The following OLFML2B variants were observed in gnomAD, a reference collection of about 807,000 sequenced individuals.
The protein encoded by OLFML2B is olfactomedin like 2B.
A neutral mutation model predicts 74.9 loss-of-function variants in OLFML2B; 57 were observed. The observed-to-expected ratio is 0.76, with a 90% confidence interval of 0.61 to 0.95. OLFML2B has a LOEUF of 0.95. Among genes scored for constraint, OLFML2B ranks in the 40% least tolerant of loss-of-function variants. The pLI is 0.00. For missense variants in OLFML2B, 986 were observed against 970.6 expected, an observed-to-expected ratio of 1.02 and a Z score of -0.21; for synonymous variants, 388 against 405.8, an observed-to-expected ratio of 0.96 and a Z score of 0.53.
intron 4 of OLFML2B, among the ~76,000 whole-genome samples, chr1:162,000,838 GA>G (rs1690063726): frequency 6.6e-6 from 1 of 152,150 alleles, no homozygotes; most frequent in African/African-American, 2.4e-5. Flanking sequence ...GCCTCAGGAT[GA>G]AGCTTGTTAC....
At chr1:161,999,993 A>T in intron 5 of OLFML2B, 120 bp downstream of exon 5, 1 of 751,422 alleles carries the variant, frequency 1.3e-6, no homozygotes, top group South Asian at 1.8e-5. Context: ...GGGCCACAGC[A>T]GTAATTGGAA....
rs1291446762 is a variant in OLFML2B, at chr1:162,023,263, T to C, written c.168A>G (p.Leu56=). The change falls in exon 1 of 8, where the codon TTA becomes TTG. Residue 56 remains leucine, a synonymous_variant. Coordinates refer to ENST00000294794, the MANE Select transcript of OLFML2B (RefSeq NM_015441.3). ...GTGGCACTCTGCATCCTACCTGAGA[T>C]AAAACGTTCTCCTGGTTGTCCGCCT... ...QNEADNQENV[L]SQLLGDYDKV... is the part of the protein sequence containing the mutation. 1 of 1,539,182 alleles carries C rather than the reference T, an allele frequency of 6.5e-7. No homozygotes were observed. Among genetic ancestry groups the C allele is most frequent in the Non-Finnish European group, 8.8e-7 (1 of 1,135,892 alleles).
chr1:162,000,087 G>T, intron 5 of OLFML2B, 26 bp downstream of exon 5: 1 of 1,541,794 alleles, frequency 6.5e-7, no homozygotes, highest in Non-Finnish European at 8.8e-7. Flanking sequence ...CCTGCCTCTG[G>T]GGCGGCCCTG....
chr1:161,985,704 C>T (rs1689575090), intron 6 of OLFML2B, among the ~76,000 whole-genome samples: 1 of 152,158 alleles, frequency 6.6e-6, no homozygotes. Context: ...AGAGAGCTGT[C>T]CCCAAGCCTA....
chr1:162,003,030 C>T (rs1690123762), intron 4 of OLFML2B, among the ~76,000 whole-genome samples: 1 of 152,212 alleles, frequency 6.6e-6, no homozygotes. Flanking sequence ...GGTTGAAAGT[C>T]AATCAGTTAA....
chr1:162,012,920 C>T (rs1310648765), intron 3 of OLFML2B, among the ~76,000 whole-genome samples: 3 of 152,138 alleles, frequency 2.0e-5, no homozygotes, highest in Admixed American at 1.3e-4. Flanking sequence ...TCTTTTTCTC[C>T]ACTTTAGTAA....
At chr1:162,023,233 C>A in intron 1 of OLFML2B, 24 bp downstream of exon 1, 1 of 1,472,676 alleles carries the variant, frequency 6.8e-7, no homozygotes, top group Non-Finnish European at 9.1e-7. Flanking sequence ...GCAAGAAGGG[C>A]GGTCGTGGCA....
At chr1:161,994,492 C>T (rs989079174) in intron 6 of OLFML2B, among the ~76,000 whole-genome samples, 3 of 152,226 alleles carry the variant, frequency 2.0e-5, no homozygotes, top group East Asian at 1.9e-4. Flanking sequence ...CTGCCACCTG[C>T]CCTCCCCCAC....
intron 3 of OLFML2B, among the ~76,000 whole-genome samples, chr1:162,010,461 A>G (rs1046864773): frequency 1.3e-5 from 2 of 152,040 alleles, no homozygotes; most frequent in African/African-American, 4.8e-5. Flanking sequence ...ATGCAGGTGG[A>G]GTTAGGGGTA....
At position 161,984,043 on chromosome 1, in the gene OLFML2B, G is replaced by C; in HGVS notation, c.1885C>G (p.Leu629Val). 1 of 1,614,208 alleles carries C rather than the reference G, an allele frequency of 6.2e-7. No homozygotes were observed. Among genetic ancestry groups the C allele is most frequent in the Non-Finnish European group, 8.5e-7 (1 of 1,180,028 alleles). ...DVDFAVDENG[L>V]WLIYPALDDE... is the part of the protein sequence containing the mutation. ...TCCAGGGCCGGGTAGATGAGCCATA[G>C]GCCATTCTCGTCCACAGCAAAGTCC... is the stretch of plus-strand genomic sequence containing the variant. The change falls in exon 8 of 8, where the codon CTA becomes GTA. Residue 629 changes from leucine (L) to valine (V), a missense_variant. By Grantham distance (32) the Leu-to-Val change is conservative. Transcript: ENST00000294794.
chr1:162,017,673 A>G (rs1242152193), intron 2 of OLFML2B, among the ~76,000 whole-genome samples, 166 bp from the exon 3 acceptor site: 1 of 152,228 alleles, frequency 6.6e-6, no homozygotes, highest in Non-Finnish European at 1.5e-5. Context: ...AGGCAAGCAC[A>G]ATGGTGTATG....
At position 162,021,991 on chromosome 1, in the gene OLFML2B, G is replaced by T. The variant is rs548455174; in HGVS notation, c.174+1266C>A. ...GCTAGTGTTTGATAAATCCCAAAGTGCAGCTGATTATTCTCTCTACAGGAA... is the reference window on the plus strand; with the variant it reads ...GCTAGTGTTTGATAAATCCCAAAGTTCAGCTGATTATTCTCTCTACAGGAA... On this transcript the variant is annotated intron_variant, in intron 1 of 7. Transcript: ENST00000294794. Among the ~76,000 whole-genome samples the T allele has an allele frequency of 1.6e-4, 25 of 152,206 alleles. 1 individual carries two copies. In the South Asian group the frequency reaches 5.2e-3, roughly 32 times the overall value.
In OLFML2B at chr1:162,006,492, A is replaced by AT. The variant is rs770096581; in HGVS notation, c.547-20_547-19insA. On this transcript the variant is annotated intron_variant, in intron 3 of 7. Transcript: ENST00000294794. ...ACACTTCCTGAGAAGGAAAAAAAAAAGATGATCCATTAAAGCACCCTGAAG... is the reference window on the plus strand; with the variant it reads ...ACACTTCCTGAGAAGGAAAAAAAAAATGATGATCCATTAAAGCACCCTGAAG... 22 of 1,554,706 alleles carry AT rather than the reference A, an allele frequency of 1.4e-5. No homozygotes were observed. Among genetic ancestry groups the AT allele is most frequent in the African/African-American group, 1.4e-5 (1 of 72,192 alleles).
intron 3 of OLFML2B, among the ~76,000 whole-genome samples, chr1:162,012,573 G>A (rs568068553): frequency 2.6e-5 from 4 of 152,302 alleles, no homozygotes; most frequent in South Asian, 2.1e-4. Context: ...AGGTTCCCTC[G>A]TGCCATCTAT....
At chr1:162,002,426 G>A (rs1690105865) in intron 4 of OLFML2B, among the ~76,000 whole-genome samples, 1 of 152,210 alleles carries the variant, frequency 6.6e-6, no homozygotes, top group Admixed American at 6.5e-5. Context: ...GTTCCTAGAT[G>A]CCCAGTGCCC....
At chr1:162,003,734 C>T (rs1206035034) in intron 4 of OLFML2B, among the ~76,000 whole-genome samples, 1 of 152,160 alleles carries the variant, frequency 6.6e-6, no homozygotes, top group East Asian at 1.9e-4. Flanking sequence ...TAGAGAGAAG[C>T]CCTCAACAAA....
rs1689970586 is a variant in OLFML2B, at chr1:161,998,111, T to G, written c.1188A>C (p.Gln396His). 1 of 1,613,890 alleles carries G rather than the reference T, an allele frequency of 6.2e-7. No homozygotes were observed. The highest frequency in any genetic ancestry group is 8.5e-7 in the Non-Finnish European group (1 of 1,180,026). The change falls in exon 6 of 8, where the codon CAA becomes CAC. Residue 396 changes from glutamine to histidine, a missense_variant. By Grantham distance (24) the Gln-to-His change is conservative. Transcript: ENST00000294794. The stretch of plus-strand genomic sequence containing the variant: ...TGGGATCTGGAGACACCGAGGTTGT[T>G]TGGAGTGTTGGTCCCACTGAGGCAT... Reference protein sequence around the residue: ...ANHASVGPTLQTTSVSPDPTR... With the variant: ...ANHASVGPTLHTTSVSPDPTR...
intron 7 of OLFML2B, among the ~76,000 whole-genome samples, chr1:161,984,521 A>G (rs1457548381): frequency 6.6e-6 from 1 of 152,146 alleles, no homozygotes; most frequent in Admixed American, 6.5e-5. Flanking sequence ...ATATACATGA[A>G]TGTGGTTCAT....
At chr1:161,996,439 C>T (rs898776415) in intron 6 of OLFML2B, among the ~76,000 whole-genome samples, 6 of 152,222 alleles carry the variant, frequency 3.9e-5, no homozygotes, top group Non-Finnish European at 7.3e-5. Context: ...ACTCCTTCAC[C>T]GCTCTGTCTC....
Sources: allele counts gnomAD v4.1 joint callset (sites outside exome capture counted in the v4.1 genomes callset), GRCh38; gene constraint gnomAD v4.1.1; transcripts MANE v1.5; gene names NCBI Gene and HGNC (gene_info 2026-07-23, HGNC 2026-07-21).